PCK1: variants seen among roughly 807,000 people sequenced by gnomAD.
PCK1 encodes phosphoenolpyruvate carboxykinase 1.
Under a neutral mutation model 50.3 loss-of-function variants are expected in PCK1, and 44 were observed. That is an observed-to-expected ratio of 0.87 (90% CI 0.69 to 1.12). The LOEUF is 1.12. PCK1 is among the 50% of genes most tolerant of loss of function. The pLI is 0.00. For missense variants in PCK1, 790 were observed against 815.0 expected (o/e 0.97, Z 0.37); for synonymous variants, 332 against 314.3 (o/e 1.06, Z -0.59).
At position 57,566,630 on chromosome 20, in the gene PCK1, G is replaced by A. The variant is rs1321148028; in HGVS notation, c.*826G>A. Reference sequence around the variant, plus strand: ...CAGGGAGAAGGAGGGAGCAGATGGGGAGGAATGAGGCAGGGAACCATGGTT... The same window carrying A: ...CAGGGAGAAGGAGGGAGCAGATGGGAAGGAATGAGGCAGGGAACCATGGTT... On this transcript the variant is annotated 3_prime_UTR_variant, in exon 10 of 10. Coordinates refer to ENST00000319441, the MANE Select transcript of PCK1 (RefSeq NM_002591.4). The A allele has an allele frequency of 6.6e-6, 1 of 152,234 alleles. No homozygotes were observed. The highest frequency in any genetic ancestry group is 1.5e-5 in the Non-Finnish European group (1 of 68,076). 9.4% of individuals were successfully genotyped at this position (152,234 alleles called of 1,614,324 possible).
Position 57,563,211 on chromosome 20 carries a change from T to G in PCK1, c.794T>G (p.Met265Arg). 1 of 1,613,364 alleles carries G rather than the reference T, an allele frequency of 6.2e-7. No individual in the cohort carries two copies. Reference protein sequence around the residue: ...AKEEGWLAEHMLILGITNPEG... With the variant: ...AKEEGWLAEHRLILGITNPEG... Reference sequence around the variant, plus strand: ...GAGGAAGGGTGGCTGGCAGAGCACATGCTGGTGAGCCTGCAGGAAGCCCTG... The same window carrying G: ...GAGGAAGGGTGGCTGGCAGAGCACAGGCTGGTGAGCCTGCAGGAAGCCCTG... Residue 265 changes from methionine to arginine, a missense_variant, in exon 5 of 10, where the codon ATG becomes AGG. Transcript: ENST00000319441.
intron 9 of PCK1, 39 bp downstream of exon 9, chr20:57,565,174 G>A (rs2070191481): frequency 2.7e-6 from 4 of 1,485,850 alleles, no homozygotes; most frequent in African/African-American, 1.4e-5. Flanking sequence ...AGAGAAGTGG[G>A]ATTAGAGCAC....
At chr20:57,561,682 T>A in intron 2 of PCK1, 47 bp downstream of exon 2, 3 of 1,277,210 alleles carry the variant, frequency 2.3e-6, no homozygotes, top group Non-Finnish European at 2.3e-6. Context: ...CAGGCAGGGC[T>A]CCCCTGCGTC....
rs751209844 is a variant in PCK1 at position 57,562,889 on chromosome 20, G to A, written c.600G>A (p.Leu200=). 3 of 1,609,434 alleles carry A rather than the reference G, an allele frequency of 1.9e-6. No individual in the cohort carries two copies. The highest frequency in any genetic ancestry group is 2.6e-6 in the Non-Finnish European group (3 of 1,175,900). Residue 200 remains leucine (L), a synonymous_variant, in exon 4 of 10, where the codon CTG becomes CTA. Transcript: ENST00000319441. The part of the protein sequence containing the change: ...VKCLHSVGCP[L]PLQKPLVNNW... Reference sequence around the variant, plus strand: ...GCCTCCATTCTGTGGGGTGCCCTCTGCCTTTACAAAGTAAGTGTATTATTT... The same window carrying A: ...GCCTCCATTCTGTGGGGTGCCCTCTACCTTTACAAAGTAAGTGTATTATTT...
rs370795594 is a variant in PCK1 at position 57,561,643 on chromosome 20, C to T, written c.224+8C>T. ...GAAGAAGTATGACAACTGGTAAGCT[C>T]GGCCCCCGCTGCCTGTCCCAGCACC... is the stretch of plus-strand genomic sequence containing the variant. On this transcript the variant is annotated splice_region_variant and intron_variant, in intron 2 of 9. Coordinates refer to ENST00000319441, the MANE Select transcript of PCK1 (RefSeq NM_002591.4). 34 of 1,585,686 alleles carry T rather than the reference C, an allele frequency of 2.1e-5. No individual in the cohort carries two copies. In the African/African-American group the frequency reaches 2.3e-4, roughly 11 times the overall value.
chr20:57,566,803 A>G lies in PCK1; in HGVS notation c.*999A>G, dbSNP rs1018126376. ...ATCTGGAGGGGTCTCAGGCTTCCAC[A>G]AAAATTACATTGTGGACAGTTTCAT... On this transcript the variant is annotated 3_prime_UTR_variant, in exon 10 of 10. Transcript: ENST00000319441. The G allele has an allele frequency of 6.6e-6, 1 of 152,236 alleles. No individual in the cohort carries two copies. The highest frequency in any genetic ancestry group is 2.4e-5 in the African/African-American group (1 of 41,452). The allele number at this position is 152,236 out of a possible 1,614,324, so 9.4% of individuals were successfully genotyped here. A position where few individuals can be genotyped will look rare whatever the true frequency, so the allele number is the denominator to read the frequency against.
chr20:57,564,622 C>T lies in PCK1; in HGVS notation c.1318+9C>T, dbSNP rs763289333. ...AGGCCGTAGACCTGCTGGTGAGGCT[C>T]TCCTTCATTTAGGCTGGGAACATGG... is the stretch of plus-strand genomic sequence containing the variant. On this transcript the variant is annotated intron_variant, in intron 8 of 9. Transcript: ENST00000319441. The T allele has an allele frequency of 6.3e-7, 1 of 1,576,616 alleles. No individual in the cohort carries two copies. The highest frequency in any genetic ancestry group is 1.8e-5 in the Admixed American group (1 of 56,144).
In PCK1 at chr20:57,564,603, T is replaced by C; in HGVS notation, c.1308T>C (p.Arg436=). 1 of 1,596,674 alleles carries C rather than the reference T, an allele frequency of 6.3e-7. No individual in the cohort carries two copies. The highest frequency in any genetic ancestry group is 1.3e-5 in the African/African-American group (1 of 74,602). ...TTGAAGGCATTATCTTTGGAGGCCG[T>C]AGACCTGCTGGTGAGGCTCTCCTTC... The part of the protein sequence containing the change: ...VPIEGIIFGG[R]RPAGVPLVYE... The change falls in exon 8 of 10, where the codon CGT becomes CGC. Residue 436 remains arginine (R), a synonymous_variant. Coordinates refer to ENST00000319441, the MANE Select transcript of PCK1 (RefSeq NM_002591.4).
chr20:57,563,131 C>T lies in PCK1; in HGVS notation c.714C>T (p.Asn238=). 6.2e-7 allele frequency: 1 copy of T among 1,613,900 alleles called. No homozygotes were observed. Among genetic ancestry groups the T allele is most frequent in the Non-Finnish European group, 8.5e-7 (1 of 1,180,040 alleles). ...IISFGSGYGG[N]SLLGKKCFAL... is the part of the protein sequence containing the mutation. ...CCTTTGGCAGTGGGTACGGCGGGAA[C>T]TCGCTGCTCGGGAAGAAGTGCTTTG... The change falls in exon 5 of 10, where the codon AAC becomes AAT. Residue 238 remains asparagine (N), a synonymous_variant. Transcript: ENST00000319441.
chr20:57,562,060 G>C lies in PCK1; in HGVS notation c.225-11G>C. On this transcript the variant is annotated splice_polypyrimidine_tract_variant and intron_variant, in intron 2 of 9. Transcript: ENST00000319441. ...GGTGCTTGGCTGAAAGGAAGCCTGT[G>C]ATTTTTGCAGCTGGTTGGCTCTCAC... 6.2e-7 allele frequency: 1 copy of C among 1,611,706 alleles called. No homozygotes were observed. The highest frequency in any genetic ancestry group is 1.3e-5 in the African/African-American group (1 of 75,010).
In PCK1 at chr20:57,566,161, A is replaced by ATGTGTGTGTGTGTG. The variant is rs141075201; in HGVS notation, c.*380_*393dup. On this transcript the variant is annotated 3_prime_UTR_variant, in exon 10 of 10. Coordinates refer to ENST00000319441, the MANE Select transcript of PCK1 (RefSeq NM_002591.4). ...AAAAATACTTGAGCTGTATATATATATGTGTGTGTGTGTGTGTGTGTGTGT... is the reference window on the plus strand; with the variant it reads ...AAAAATACTTGAGCTGTATATATATATGTGTGTGTGTGTGTGTGTGTGTGTGTGTGTGTGTGTGT... 2.5e-4 allele frequency: 40 copies of ATGTGTGTGTGTGTG among 159,580 alleles called. No homozygotes were observed. Among genetic ancestry groups the ATGTGTGTGTGTGTG allele is most frequent in the African/African-American group, 3.5e-4 (14 of 39,628 alleles). The allele number at this position is 159,580 out of a possible 1,614,324, so 9.9% of individuals were successfully genotyped here.
At position 57,564,493 on chromosome 20, in the gene PCK1, G is replaced by A. The variant is rs2146529876; in HGVS notation, c.1198G>A (p.Ala400Thr). 5 of 1,614,146 alleles carry A rather than the reference G, an allele frequency of 3.1e-6. No homozygotes were observed. Among genetic ancestry groups the A allele is most frequent in the Non-Finnish European group, 4.2e-6 (5 of 1,180,030 alleles). ...EWSSEDGEPCAHPNSRFCTPA... is the reference protein window; with the variant it reads ...EWSSEDGEPCTHPNSRFCTPA... Reference sequence around the variant, plus strand: ...TCTCTGTCTTATAGGGGAACCTTGTGCCCACCCCAACTCGAGGTTCTGCAC... The same window carrying A: ...TCTCTGTCTTATAGGGGAACCTTGTACCCACCCCAACTCGAGGTTCTGCAC... Residue 400 changes from alanine to threonine, a missense_variant, in exon 8 of 10, where the codon GCC becomes ACC. Ala to Thr is a moderately conservative substitution (Grantham distance 58). Coordinates refer to ENST00000319441, the MANE Select transcript of PCK1 (RefSeq NM_002591.4).
In PCK1 at chr20:57,566,280, T is replaced by C. The variant is rs1171081137; in HGVS notation, c.*476T>C. 1 of 152,736 alleles carries C rather than the reference T, an allele frequency of 6.5e-6. No individual in the cohort carries two copies. Among genetic ancestry groups the C allele is most frequent in the African/African-American group, 2.4e-5 (1 of 41,386 alleles). 9.5% of individuals were successfully genotyped at this position (152,736 alleles called of 1,614,324 possible). On this transcript the variant is annotated 3_prime_UTR_variant, in exon 10 of 10. Transcript: ENST00000319441. The stretch of plus-strand genomic sequence containing the variant: ...GTTATTGAAAATATATTTAATACCT[T>C]TGGAAAAATCTTGGGCAAGATGACC...
At position 57,565,618 on chromosome 20, in the gene PCK1, G is replaced by C. The variant is rs961661732; in HGVS notation, c.1683G>C (p.Glu561Asp). The C allele has an allele frequency of 3.1e-6, 5 of 1,614,084 alleles. No homozygotes were observed. The highest frequency in any genetic ancestry group is 4.2e-6 in the Non-Finnish European group (5 of 1,180,034). ...CGCCCATAGGCTACATCCCCAAGGA[G>C]GATGCCCTGAACCTGAAAGGCCTGG... ...KLTPIGYIPK[E>D]DALNLKGLGH... Residue 561 changes from glutamate (E) to aspartate (D), a missense_variant, in exon 10 of 10, where the codon GAG (glutamate) becomes GAC (aspartate). Glu to Asp is a conservative substitution (Grantham distance 45). Transcript: ENST00000319441.
chr20:57,563,294 C>T (rs776679763), intron 5 of PCK1, 79 bp downstream of exon 5: 36 of 1,296,654 alleles, frequency 2.8e-5, no homozygotes, highest in Admixed American at 3.6e-5. Context: ...AGTTCCCACC[C>T]GTCAGCACAC....
rs373315287 is a variant in PCK1, at chr20:57,563,666, C to T, written c.900C>T (p.Leu300=). 12 of 1,613,212 alleles carry T rather than the reference C, an allele frequency of 7.4e-6. No homozygotes were observed. The highest frequency in any genetic ancestry group is 3.3e-5 in the South Asian group (3 of 90,990). The stretch of plus-strand genomic sequence containing the variant: ...ACCTGGCCATGATGAACCCCAGCCT[C>T]CCCGGGTGGAAGGTTGAGTGCGTCG... ...KTNLAMMNPS[L]PGWKVECVGD... Residue 300 remains leucine (L), a synonymous_variant, in exon 6 of 10, where the codon CTC becomes CTT. Coordinates refer to ENST00000319441, the MANE Select transcript of PCK1 (RefSeq NM_002591.4).
rs1568911157 is a variant in PCK1 at position 57,566,159 on chromosome 20, ATATGTGTGTGTG to A, written c.*357_*368del. ...AAAAAAATACTTGAGCTGTATATAT[ATATGTGTGTGTG>A]TGTGTGTGTGTGTGTGTGTGTGTGT... On this transcript the variant is annotated 3_prime_UTR_variant, in exon 10 of 10. Transcript: ENST00000319441. 10 of 167,304 alleles carry A rather than the reference ATATGTGTGTGTG, an allele frequency of 6.0e-5. No individual in the cohort carries two copies. Among genetic ancestry groups the A allele is most frequent in the Non-Finnish European group, 1.1e-4 (10 of 90,504 alleles). The allele number at this position is 167,304 out of a possible 1,614,324, so 10.4% of individuals were successfully genotyped here.
rs1325584679 is a variant in PCK1, at chr20:57,561,472, G to T, written c.61G>T (p.Asp21Tyr). 6.2e-7 allele frequency: 1 copy of T among 1,613,908 alleles called. No homozygotes were observed. Residue 21 changes from aspartate to tyrosine, a missense_variant, in exon 2 of 10, where the codon GAC becomes TAC. Coordinates refer to ENST00000319441, the MANE Select transcript of PCK1 (RefSeq NM_002591.4). ...GGCCAAAGTTGTCCAGGGAAGCCTG[G>T]ACAGCCTACCCCAGGCAGTGAGGGA... is the stretch of plus-strand genomic sequence containing the variant. ...LSAKVVQGSL[D>Y]SLPQAVREFL...
chr20:57,567,436 G>A lies in PCK1; in HGVS notation c.*1632G>A, dbSNP rs2070214263. The stretch of plus-strand genomic sequence containing the variant: ...CCCCATTAAGGAGCTGAGAGTCTTA[G>A]CTCCAGACACGTTGGCTTGTTAGAA... On this transcript the variant is annotated 3_prime_UTR_variant, in exon 10 of 10. Coordinates refer to ENST00000319441, the MANE Select transcript of PCK1 (RefSeq NM_002591.4). 6.6e-6 allele frequency: 1 copy of A among 152,240 alleles called. No individual in the cohort carries two copies. Among genetic ancestry groups the A allele is most frequent in the Non-Finnish European group, 1.5e-5 (1 of 68,046 alleles). The allele number at this position is 152,240 out of a possible 1,614,324, so 9.4% of individuals were successfully genotyped here.
Sources: gnomAD v4.1 joint callset for allele counts on GRCh38, gnomAD v4.1.1 for gene constraint, MANE v1.5 for transcripts, NCBI Gene and HGNC (gene_info 2026-07-23, HGNC 2026-07-21) for gene names.